The following PELO variants were observed in gnomAD, a reference collection of about 807,000 sequenced individuals.
PELO encodes protein pelota homolog.
Under a neutral mutation model 25.9 loss-of-function variants are expected in PELO, and 19 were observed. The observed-to-expected ratio is 0.73, with a 90% CI of 0.51 to 1.08. PELO has a LOEUF of 1.08. Among genes scored for constraint, PELO ranks in the 50% least tolerant of loss-of-function variants. The pLI is 0.00. For synonymous variants in PELO, 196 were observed against 192.2 expected (o/e 1.02, Z -0.16); for missense variants, 498 against 491.4 (o/e 1.01, Z -0.13).
Position 52,800,353 on chromosome 5 carries a change from C to A in PELO, c.-42C>A. ...TCTCCCGGGGCGGAGGTGAGGACCT[C>A]CTTGGTTCCTTTGGTTCTGTCAGTG... On this transcript the variant is annotated 5_prime_UTR_variant, in exon 2 of 3. Coordinates refer to ENST00000274311, the MANE Select transcript of PELO (RefSeq NM_015946.5). 1 of 1,611,090 alleles carries A rather than the reference C, an allele frequency of 6.2e-7. No individual in the cohort carries two copies. The highest frequency in any genetic ancestry group is 8.5e-7 in the Non-Finnish European group (1 of 1,179,204).
In PELO at chr5:52,795,678, T is replaced by C. The variant is rs902441934; in HGVS notation, c.-510-4207T>C. 2.6e-5 allele frequency among the ~76,000 whole-genome samples: 4 copies of C among 151,930 alleles called. 1 individual carries two copies. The East Asian group carries it at 7.7e-4, about 29-fold the overall frequency. ...CAAGGCTGAATAATTATGATCATGT[T>C]AAAATGAGCTCTTGTCCCTTGTTTT... On this transcript the variant is annotated intron_variant, in intron 1 of 2. Transcript: ENST00000274311.
chr5:52,788,264 GA>G lies in PELO; in HGVS notation c.-660del. On this transcript the variant is annotated 5_prime_UTR_variant, in exon 1 of 3. Coordinates refer to ENST00000274311, the MANE Select transcript of PELO (RefSeq NM_015946.5). ...AGAGGACTGGGAACCGCGGCAGCGG[GA>G]TAAGTGGCCCAGCCAGAGAGCGCAG... is the stretch of plus-strand genomic sequence containing the variant. The G allele has an allele frequency of 9.7e-7, 1 of 1,026,462 alleles. No individual in the cohort carries two copies. Among genetic ancestry groups the G allele is most frequent in the Non-Finnish European group, 1.3e-6 (1 of 754,278 alleles). The allele number at this position is 1,026,462 out of a possible 1,614,324, so 63.6% of individuals were successfully genotyped here.
Position 52,793,351 on chromosome 5 carries a change from G to C in PELO, c.-511+4937G>C, listed in dbSNP as rs1323988594. Reference sequence around the variant, plus strand: ...GATTGTCCCTTTATTATATACCTCTGCCTTATTTTATTATACCTCTGCCTG... The same window carrying C: ...GATTGTCCCTTTATTATATACCTCTCCCTTATTTTATTATACCTCTGCCTG... On this transcript the variant is annotated intron_variant, in intron 1 of 2. Coordinates refer to ENST00000274311, the MANE Select transcript of PELO (RefSeq NM_015946.5). Among the ~76,000 whole-genome samples the C allele has an allele frequency of 1.3e-5, 2 of 151,750 alleles. 1 individual carries two copies. The highest frequency in any genetic ancestry group is 4.8e-5 in the African/African-American group (2 of 41,322).
At chr5:52,798,122 A>T (rs2111655251) in intron 1 of PELO, among the ~76,000 whole-genome samples, 1 of 152,344 alleles carries the variant, frequency 6.6e-6, no homozygotes, top group East Asian at 1.9e-4. Context: ...TTTAAAATAC[A>T]GTGTCCTTTG....
intron 1 of PELO, among the ~76,000 whole-genome samples, chr5:52,792,571 C>G (rs911767092): frequency 6.6e-6 from 1 of 152,170 alleles, no homozygotes. Context: ...GATGTTCTGA[C>G]TTCAGTAGAT....
rs1748501460 is a variant in PELO at position 52,802,114 on chromosome 5, A to T, written c.*274A>T. 1 of 330,870 alleles carries T rather than the reference A, an allele frequency of 3.0e-6. No homozygotes were observed. Among genetic ancestry groups the T allele is most frequent in the South Asian group, 4.8e-5 (1 of 21,024 alleles). 20.5% of individuals were successfully genotyped at this position (330,870 alleles called of 1,614,324 possible). On this transcript the variant is annotated 3_prime_UTR_variant, in exon 3 of 3. Coordinates refer to ENST00000274311, the MANE Select transcript of PELO (RefSeq NM_015946.5). ...TATCTGTAGTACTTGGAAACAGAAAATGTGTGTATTTAAAGACGATGCCTA... is the reference window on the plus strand; with the variant it reads ...TATCTGTAGTACTTGGAAACAGAAATTGTGTGTATTTAAAGACGATGCCTA...
Position 52,800,971 on chromosome 5 carries a change from A to G in PELO, c.577A>G (p.Ile193Val), listed in dbSNP as rs771824545. ...ERFYEQVVQA[I>V]QRHIHFDVVK... ...GTTCTATGAACAGGTGGTCCAGGCT[A>G]TCCAGCGCCACATACACTTTGATGT... The change falls in exon 2 of 3, where the codon ATC becomes GTC. Residue 193 changes from isoleucine to valine, a missense_variant. Transcript: ENST00000274311. The G allele has an allele frequency of 4.2e-5, 67 of 1,614,080 alleles. No individual in the cohort carries two copies. The highest frequency in any genetic ancestry group is 5.4e-5 in the Non-Finnish European group (64 of 1,180,036).
chr5:52,800,789 C>A lies in PELO; in HGVS notation c.395C>A (p.Ala132Asp). The A allele has an allele frequency of 6.2e-7, 1 of 1,613,384 alleles. No individual in the cohort carries two copies. The highest frequency in any genetic ancestry group is 1.7e-5 in the Admixed American group (1 of 59,994). ...CGCATCGAGCAGGCCTGTGACCCAG[C>A]CTGGAGCGCTGATGTGGCGGCTGTG... is the stretch of plus-strand genomic sequence containing the variant. ...LERIEQACDP[A>D]WSADVAAVVM... The change falls in exon 2 of 3, where the codon GCC becomes GAC. Residue 132 changes from alanine to aspartate, a missense_variant. Physicochemically the swap from Ala to Asp is moderately radical, Grantham distance 126. Transcript: ENST00000274311.
chr5:52,791,115 C>A (rs1393052007), intron 1 of PELO, among the ~76,000 whole-genome samples: 1 of 152,162 alleles, frequency 6.6e-6, no homozygotes, highest in African/African-American at 2.4e-5. Context: ...TAAAATGATT[C>A]ATCAAAAAGA....
intron 1 of PELO, among the ~76,000 whole-genome samples, chr5:52,798,643 C>T (rs1196623807): frequency 1.3e-5 from 2 of 152,086 alleles, no homozygotes; most frequent in African/African-American, 2.4e-5. Flanking sequence ...TCATTCATGC[C>T]TCTGTCTGGC....
chr5:52,798,192 T>C lies in PELO; in HGVS notation c.-510-1693T>C, dbSNP rs566861963. 2.0e-5 allele frequency among the ~76,000 whole-genome samples: 3 copies of C among 152,336 alleles called. No homozygotes were observed. In the South Asian group the frequency reaches 6.2e-4, roughly 32 times the overall value. On this transcript the variant is annotated intron_variant, in intron 1 of 2. Transcript: ENST00000274311. ...AGTTCTTTGCTTAGTGAAAAGTTGC[T>C]GGGTTCTCCTGGAATTGGAAGAAGG...
chr5:52,788,838 G>C (rs1748181931), intron 1 of PELO, among the ~76,000 whole-genome samples: 1 of 151,326 alleles, frequency 6.6e-6, no homozygotes, highest in South Asian at 2.1e-4. Flanking sequence ...TTGTTCCAGA[G>C]TGGACATTAT....
chr5:52,800,296 C>A lies in PELO; in HGVS notation c.-99C>A. On this transcript the variant is annotated 5_prime_UTR_variant, in exon 2 of 3. Coordinates refer to ENST00000274311, the MANE Select transcript of PELO (RefSeq NM_015946.5). ...GGCAAGTGCCCTTAGAAACCGGGCC[C>A]CGCCCCCTTCCTGGCCTGCATTCCC... The A allele has an allele frequency of 7.3e-7, 1 of 1,378,872 alleles. No individual in the cohort carries two copies. The highest frequency in any genetic ancestry group is 1.0e-6 in the Non-Finnish European group (1 of 995,102). 85.4% of individuals were successfully genotyped at this position (1,378,872 alleles called of 1,614,324 possible). A position where few individuals can be genotyped will look rare whatever the true frequency, so the allele number is the denominator to read the frequency against.
At position 52,803,420 on chromosome 5, in the gene PELO, G is replaced by A. The variant is rs1004618769; in HGVS notation, c.*1580G>A. On this transcript the variant is annotated 3_prime_UTR_variant, in exon 3 of 3. Transcript: ENST00000274311. Reference sequence around the variant, plus strand: ...AGATCCTTAAAGTTGAAACCTGATTGTTATTATATTTTCAGTAAGGATTTG... The same window carrying A: ...AGATCCTTAAAGTTGAAACCTGATTATTATTATATTTTCAGTAAGGATTTG... 1 of 152,026 alleles carries A rather than the reference G, an allele frequency of 6.6e-6. No homozygotes were observed. The highest frequency in any genetic ancestry group is 1.5e-5 in the Non-Finnish European group (1 of 68,002). 9.4% of individuals were successfully genotyped at this position (152,026 alleles called of 1,614,324 possible).
rs763023657 is a variant in PELO, at chr5:52,801,637, A to C, written c.955A>C (p.Arg319=). The change falls in exon 3 of 3, where the codon AGG becomes CGG. Residue 319 remains arginine, a synonymous_variant. Coordinates refer to ENST00000274311, the MANE Select transcript of PELO (RefSeq NM_015946.5). The part of the protein sequence containing the change: ...DTLLISDELF[R]HQDVATRSRY... ...ATTGCTCATCAGCGATGAGCTCTTC[A>C]GGCATCAGGATGTAGCCACACGGAG... is the stretch of plus-strand genomic sequence containing the variant. 7.4e-6 allele frequency: 12 copies of C among 1,614,058 alleles called. No individual in the cohort carries two copies. Among genetic ancestry groups the C allele is most frequent in the Non-Finnish European group, 9.3e-6 (11 of 1,179,908 alleles).
Position 52,801,594 on chromosome 5 carries a change from A to G in PELO, c.912A>G (p.Glu304=), listed in dbSNP as rs140897877. The change falls in exon 3 of 3, where the codon GAA becomes GAG. Residue 304 remains glutamate (E), a synonymous_variant. Coordinates refer to ENST00000274311, the MANE Select transcript of PELO (RefSeq NM_015946.5). ...YGLKQVEKAN[E]AMAIDTLLIS... ...TCAAGCAGGTGGAGAAGGCCAATGA[A>G]GCCATGGCAATTGACACATTGCTCA... 4 of 1,614,050 alleles carry G rather than the reference A, an allele frequency of 2.5e-6. No individual in the cohort carries two copies. The highest frequency in any genetic ancestry group is 3.4e-6 in the Non-Finnish European group (4 of 1,179,892).
At position 52,803,125 on chromosome 5, in the gene PELO, G is replaced by T. The variant is rs996989190; in HGVS notation, c.*1285G>T. 2.0e-5 allele frequency: 3 copies of T among 152,056 alleles called. No individual in the cohort carries two copies. The highest frequency in any genetic ancestry group is 2.1e-4 in the South Asian group (1 of 4,826). 9.4% of individuals were successfully genotyped at this position (152,056 alleles called of 1,614,324 possible). ...TAGTGATACTAACTAAACTTTCGCCGGTCTTTCCTGTGTCTGTGGGCCTTC... is the reference window on the plus strand; with the variant it reads ...TAGTGATACTAACTAAACTTTCGCCTGTCTTTCCTGTGTCTGTGGGCCTTC... On this transcript the variant is annotated 3_prime_UTR_variant, in exon 3 of 3. Coordinates refer to ENST00000274311, the MANE Select transcript of PELO (RefSeq NM_015946.5).
intron 1 of PELO, among the ~76,000 whole-genome samples, chr5:52,793,661 T>C (rs1441578185): frequency 1.3e-5 from 2 of 152,074 alleles, no homozygotes; most frequent in African/African-American, 4.8e-5. Context: ...AAGAGGCTAG[T>C]ATGTGAACCC....
intron 1 of PELO, among the ~76,000 whole-genome samples, chr5:52,792,165 G>C (rs1748254672): frequency 6.6e-6 from 1 of 152,166 alleles, no homozygotes; most frequent in Non-Finnish European, 1.5e-5. Context: ...TAAACTATAT[G>C]TCTCTCTTCC....
Sources: allele counts gnomAD v4.1 joint callset (sites outside exome capture counted in the v4.1 genomes callset), GRCh38; gene constraint gnomAD v4.1.1; transcripts MANE v1.5; gene names NCBI Gene and HGNC (gene_info 2026-07-23, HGNC 2026-07-21).